The following BIVM variants were observed in gnomAD, a reference collection of about 807,000 sequenced individuals.
BIVM encodes basic immunoglobulin-like variable motif-containing protein.
A neutral mutation model predicts 61.4 loss-of-function variants in BIVM; 31 were observed. That is an observed-to-expected ratio of 0.51 (90% confidence interval 0.38 to 0.68). The LOEUF is 0.68. BIVM is among the 30% of genes least tolerant of loss of function. The pLI is 0.00. For missense variants in BIVM, 526 were observed against 596.0 expected (o/e 0.88, Z 1.22); for synonymous variants, 189 against 210.7 (o/e 0.90, Z 0.89).
chr13:102,831,548 T>C lies in BIVM; in HGVS notation c.902-17T>C, dbSNP rs186876693. 1 of 1,613,918 alleles carries C rather than the reference T, an allele frequency of 6.2e-7. No homozygotes were observed. Among genetic ancestry groups the C allele is most frequent in the Non-Finnish European group, 8.5e-7 (1 of 1,179,894 alleles). On this transcript the variant is annotated splice_polypyrimidine_tract_variant and intron_variant, in intron 7 of 10. Transcript: ENST00000257336. ...CTTTATGGGCTTTCAGTTTGTGTGT[T>C]TGTTTGTTTTTAATAGCTTCAGGGG...
At chr13:102,816,378 A>G (rs201821425) in intron 3 of BIVM, 50 bp from the exon 4 acceptor site, 1 of 1,466,224 alleles carries the variant, frequency 6.8e-7, no homozygotes, top group Non-Finnish European at 9.0e-7. Context: ...TTGTCATTTC[A>G]GTTTACTTCA....
At chr13:102,833,327 G>GTTTTTTTTTTTTTTTGTTTTTTTTTTTTT (rs1881236252) in intron 8 of BIVM, among the ~76,000 whole-genome samples, 1 of 79,606 alleles carries the variant, frequency 1.3e-5, no homozygotes, top group Non-Finnish European at 2.6e-5. Flanking sequence ...GATAGGATGG[G>GTTTTTTTTTTTTTTTGTTTTTTTTTTTTT]TTTTTTTTTT....
intron 1 of BIVM, among the ~76,000 whole-genome samples, 171 bp from the exon 2 acceptor site, chr13:102,805,136 C>G (rs1315893491): frequency 6.6e-6 from 1 of 152,208 alleles, no homozygotes; most frequent in Non-Finnish European, 1.5e-5. Context: ...AACTGATGCT[C>G]TGTTGCTGGA....
intron 2 of BIVM, among the ~76,000 whole-genome samples, chr13:102,805,762 G>T (rs945712711): frequency 2.6e-5 from 4 of 151,740 alleles, no homozygotes. Flanking sequence ...ACACTATCTG[G>T]TCCTTTGTGA....
intron 1 of BIVM, among the ~76,000 whole-genome samples, chr13:102,802,499 T>C (rs2139131362): frequency 6.6e-6 from 1 of 152,274 alleles, no homozygotes; most frequent in East Asian, 1.9e-4. Flanking sequence ...TTTTGTAATG[T>C]TTTACTTATA....
chr13:102,829,138 T>G (rs1163053652), intron 7 of BIVM, among the ~76,000 whole-genome samples: 1 of 152,154 alleles, frequency 6.6e-6, no homozygotes, highest in African/African-American at 2.4e-5. Flanking sequence ...AAAAATATAC[T>G]CTATAAGTTC....
At chr13:102,825,420 A>G (rs1166078766) in intron 7 of BIVM, among the ~76,000 whole-genome samples, 3 of 152,092 alleles carry the variant, frequency 2.0e-5, no homozygotes, top group African/African-American at 4.8e-5. Context: ...GATTTTTAAC[A>G]ATGTAAAAAC....
chr13:102,818,439 T>C (rs943847479), intron 4 of BIVM, among the ~76,000 whole-genome samples: 2 of 152,226 alleles, frequency 1.3e-5, no homozygotes, highest in South Asian at 4.1e-4. Context: ...AAATTTGGAA[T>C]AGTTAGTATG....
intron 3 of BIVM, among the ~76,000 whole-genome samples, chr13:102,808,402 A>G (rs1879247149): frequency 6.6e-6 from 1 of 152,206 alleles, no homozygotes; most frequent in Non-Finnish European, 1.5e-5. Context: ...TAGAAGGGAT[A>G]AATCTCTAGA....
intron 4 of BIVM, among the ~76,000 whole-genome samples, chr13:102,819,508 T>G (rs1373068881): frequency 6.6e-6 from 1 of 152,134 alleles, no homozygotes; most frequent in African/African-American, 2.4e-5. Context: ...TCTACAGATT[T>G]AGGGCTCGTG....
At chr13:102,809,953 T>A (rs1473050623) in intron 3 of BIVM, among the ~76,000 whole-genome samples, 1 of 152,116 alleles carries the variant, frequency 6.6e-6, no homozygotes, top group Admixed American at 6.5e-5. Context: ...GCCCGGCTAC[T>A]TTTTTGTATT....
chr13:102,835,707 G>GT (rs1881420238), intron 9 of BIVM, among the ~76,000 whole-genome samples: 1 of 152,004 alleles, frequency 6.6e-6, no homozygotes, highest in African/African-American at 2.4e-5. Context: ...TAATTTTTGT[G>GT]TTTTTCGTAG....
At chr13:102,802,813 A>T (rs1167092888) in intron 1 of BIVM, among the ~76,000 whole-genome samples, 1 of 146,188 alleles carries the variant, frequency 6.8e-6, no homozygotes. Context: ...TGGTGTGATC[A>T]TAGCTCACTG....
chr13:102,832,247 A>G (rs766906787), intron 8 of BIVM, among the ~76,000 whole-genome samples: 2 of 152,080 alleles, frequency 1.3e-5, no homozygotes, highest in African/African-American at 2.4e-5. Context: ...CTGGAGTGCA[A>G]TGGTGTAATT....
At chr13:102,802,034 G>C (rs1878782818) in intron 1 of BIVM, among the ~76,000 whole-genome samples, 1 of 152,216 alleles carries the variant, frequency 6.6e-6, no homozygotes, top group Non-Finnish European at 1.5e-5. Context: ...TTGGCCTTTT[G>C]TTCTAAGAGC....
At chr13:102,829,090 A>G (rs1241441098) in intron 7 of BIVM, among the ~76,000 whole-genome samples, 1 of 151,792 alleles carries the variant, frequency 6.6e-6, no homozygotes, top group Non-Finnish European at 1.5e-5. Context: ...TGGATTACCT[A>G]TCAGAGTTTC....
Position 102,807,393 on chromosome 13 carries a change from A to T in BIVM, c.126A>T (p.Gly42=). 1 of 1,614,198 alleles carries T rather than the reference A, an allele frequency of 6.2e-7. No homozygotes were observed. The part of the protein sequence containing the change: ...AVKSFCTSAS[G]APLGPKGDGH... ...AATCTTTCTGCACAAGTGCCTCAGGAGCACCCTTGGGTCCCAAAGGAGATG... is the reference window on the plus strand; with the variant it reads ...AATCTTTCTGCACAAGTGCCTCAGGTGCACCCTTGGGTCCCAAAGGAGATG... The change falls in exon 3 of 11, where the codon GGA becomes GGT. Residue 42 remains glycine (G), a synonymous_variant. Transcript: ENST00000257336. This position sits in a 1 kb window ranked among gnomAD's most constrained non-coding sequence, Gnocchi z 4.0.
intron 3 of BIVM, among the ~76,000 whole-genome samples, chr13:102,811,905 A>T (rs1042876954): frequency 6.6e-6 from 1 of 152,150 alleles, no homozygotes; most frequent in African/African-American, 2.4e-5. Context: ...TTGGATGTTT[A>T]TATTCATGTT....
At chr13:102,834,603 G>C (rs776638417) in intron 9 of BIVM, 51 bp downstream of exon 9, 34 of 1,505,616 alleles carry the variant, frequency 2.3e-5, no homozygotes, top group Non-Finnish European at 2.9e-5. Flanking sequence ...TTTAGATACA[G>C]TGAAATGCAC....
Sources: gnomAD v4.1 joint callset for allele counts (sites outside exome capture counted in the v4.1 genomes callset) on GRCh38, gnomAD v4.1.1 for gene constraint, Gnocchi (gnomAD v3.1) non-coding constraint, MANE v1.5 for transcripts, NCBI Gene and HGNC (gene_info 2026-07-23, HGNC 2026-07-21) for gene names.